Variants in SPCS2 observed in about 807,000 individuals in gnomAD.
SPCS2 encodes signal peptidase complex subunit 2, also known as SPase 25 kDa subunit.
SPCS2 carries 3 observed loss-of-function variants against 22.3 expected under a neutral mutation model. The ratio of observed to expected loss-of-function variants is 0.13; its 90% confidence interval spans 0.06 to 0.35. The LOEUF (loss-of-function observed/expected upper bound fraction) is 0.35. Ranked by LOEUF, SPCS2 falls within the 10% of genes least tolerant of loss-of-function variation. SPCS2 has a pLI of 1.00. For missense variants in SPCS2, 169 were observed against 280.9 expected (o/e 0.60, Z 2.85); for synonymous variants, 67 against 97.2 (o/e 0.69, Z 1.83).
chr11:74,976,749 C>T, intron 4 of SPCS2, 108 bp from the exon 5 acceptor site: 1 of 1,384,812 alleles, frequency 7.2e-7, no homozygotes, highest in Non-Finnish European at 1.0e-6. Flanking sequence ...TTCCCTGTAT[C>T]ACCGTGCCCA....
chr11:74,974,516 C>T (rs77810092), intron 4 of SPCS2, among the ~76,000 whole-genome samples: 6,713 of 152,296 alleles, frequency 0.044, 245 homozygotes, highest in Middle Eastern at 0.068. Flanking sequence ...AGTCTGTCAG[C>T]AAATCCTGTT....
chr11:74,950,517 C>G (rs1565482801), intron 1 of SPCS2, among the ~76,000 whole-genome samples: 1 of 152,124 alleles, frequency 6.6e-6, no homozygotes. Flanking sequence ...TTTTACTTGT[C>G]TTTTTGAGTG....
At chr11:74,974,871 C>T (rs1233542153) in intron 4 of SPCS2, among the ~76,000 whole-genome samples, 1 of 152,114 alleles carries the variant, frequency 6.6e-6, no homozygotes, top group Non-Finnish European at 1.5e-5. Flanking sequence ...GCCTTGGCCT[C>T]CCAAAGTGCT....
chr11:74,956,873 C>T (rs899068476), intron 1 of SPCS2, among the ~76,000 whole-genome samples: 3 of 151,970 alleles, frequency 2.0e-5, no homozygotes, highest in Admixed American at 6.6e-5. Flanking sequence ...TCCTCAAACA[C>T]GTTAAGCTTG....
chr11:74,965,044 A>G lies in SPCS2; in HGVS notation c.125A>G (p.Asp42Gly), dbSNP rs529884195. Residue 42 changes from aspartate (D) to glycine (G), a missense_variant, in exon 2 of 5, where the codon GAT becomes GGT. This residue lies in a region of SPCS2 where 118 missense variants were observed against 243.1 expected (regional missense o/e 0.49). Transcript: ENST00000263672. ...RSGLLDKWKI[D>G]DKPVKIDKWD... ...TTGTTTGTTTTACAGTGGAAGATAG[A>G]TGATAAGCCTGTAAAAATTGACAAG... 18 of 1,550,124 alleles carry G rather than the reference A, an allele frequency of 1.2e-5. No individual in the cohort carries two copies. The South Asian group carries it at 1.9e-4, about 16-fold the overall frequency.
intron 3 of SPCS2, among the ~76,000 whole-genome samples, chr11:74,966,557 A>G (rs1225236599): frequency 1.3e-5 from 2 of 152,096 alleles, no homozygotes; most frequent in Non-Finnish European, 2.9e-5. Context: ...AGATTAAATG[A>G]GAGATTTTAT....
At chr11:74,972,692 C>G (rs1189067952) in intron 4 of SPCS2, among the ~76,000 whole-genome samples, 2 of 151,476 alleles carry the variant, frequency 1.3e-5, no homozygotes, top group Non-Finnish European at 2.9e-5. Context: ...CCCCTATAAC[C>G]TAGCCATCTC....
chr11:74,972,482 C>T (rs934527466), intron 4 of SPCS2, among the ~76,000 whole-genome samples: 7 of 152,206 alleles, frequency 4.6e-5, no homozygotes, highest in African/African-American at 1.7e-4. Flanking sequence ...GTGTGAGCTC[C>T]TTTACCATTC....
intron 3 of SPCS2, 57 bp downstream of exon 3, chr11:74,965,980 A>C (rs1163715934): frequency 6.6e-6 from 10 of 1,506,642 alleles, no homozygotes; most frequent in Non-Finnish European, 7.2e-6. Context: ...AAATCTGCTG[A>C]TATTTCTCCC....
intron 4 of SPCS2, 64 bp downstream of exon 4, chr11:74,969,763 T>C: frequency 6.3e-7 from 1 of 1,580,208 alleles, no homozygotes; most frequent in Non-Finnish European, 8.7e-7. Context: ...GTTGTCATTA[T>C]CAACAGAAGA....
chr11:74,963,490 T>C (rs1432219401), intron 1 of SPCS2: 1 of 366,714 alleles, frequency 2.7e-6, no homozygotes, highest in Non-Finnish European at 5.2e-6. Context: ...TGTATTTCTG[T>C]AGTTGTTTAA....
intron 1 of SPCS2, among the ~76,000 whole-genome samples, chr11:74,960,979 A>C (rs1206861871): frequency 6.6e-6 from 1 of 151,968 alleles, no homozygotes; most frequent in Admixed American, 6.6e-5. Context: ...TAAACTGGAG[A>C]GTAACATTTT....
chr11:74,973,830 C>T (rs1228271222), intron 4 of SPCS2, among the ~76,000 whole-genome samples: 9 of 152,160 alleles, frequency 5.9e-5, no homozygotes, highest in Admixed American at 1.3e-4. Flanking sequence ...TTCCAAGTAC[C>T]TATCTAAGGC....
At chr11:74,968,523 T>G (rs1484249350) in intron 3 of SPCS2, among the ~76,000 whole-genome samples, 264 of 150,048 alleles carry the variant, frequency 1.8e-3, no homozygotes, top group African/African-American at 6.2e-3. Context: ...TTTTTGTTTT[T>G]TTTTTTTTTT....
At chr11:74,959,999 T>C (rs751720919) in intron 1 of SPCS2, among the ~76,000 whole-genome samples, 3 of 152,208 alleles carry the variant, frequency 2.0e-5, no homozygotes, top group Non-Finnish European at 4.4e-5. Context: ...ATGCCTGTTT[T>C]CTTTGAACTG....
intron 3 of SPCS2, among the ~76,000 whole-genome samples, chr11:74,969,082 TAA>T (rs1189031745): frequency 6.6e-5 from 10 of 152,204 alleles, no homozygotes; most frequent in Admixed American, 5.9e-4. Flanking sequence ...AATATAATAA[TAA>T]GTCTATATGC....
chr11:74,969,937 G>T (rs1038298975), intron 4 of SPCS2, among the ~76,000 whole-genome samples: 1 of 152,160 alleles, frequency 6.6e-6, no homozygotes, highest in Non-Finnish European at 1.5e-5. Context: ...TTTTCCTGTG[G>T]CCAGTTAACA....
At chr11:74,969,810 A>G (rs1250487212) in intron 4 of SPCS2, 111 bp downstream of exon 4, 2 of 1,269,312 alleles carry the variant, frequency 1.6e-6, no homozygotes, top group Non-Finnish European at 2.3e-6. Flanking sequence ...TCATAGGGCT[A>G]GTCATATAAA....
At chr11:74,959,271 G>C (rs1475438603) in intron 1 of SPCS2, among the ~76,000 whole-genome samples, 1 of 152,110 alleles carries the variant, frequency 6.6e-6, no homozygotes, top group Non-Finnish European at 1.5e-5. Context: ...AATCCACTCA[G>C]GTCTTTTATA....
Sources: allele counts gnomAD v4.1 joint callset (sites outside exome capture counted in the v4.1 genomes callset), GRCh38; gene constraint gnomAD v4.1.1; regional missense constraint gnomAD v4.1.1; transcripts MANE v1.5; gene names NCBI Gene and HGNC (gene_info 2026-07-23, HGNC 2026-07-21).